PLEKHM2: variants seen among roughly 807,000 people sequenced by gnomAD.
The protein encoded by PLEKHM2 is pleckstrin homology and RUN domain containing M2.
A neutral mutation model predicts 116.3 loss-of-function variants in PLEKHM2; 77 were observed. The ratio of observed to expected loss-of-function variants is 0.66; its 90% CI spans 0.55 to 0.80. The LOEUF is 0.80. Ranked by LOEUF, PLEKHM2 falls within the 30% of genes least tolerant of loss-of-function variation. The pLI is 0.00. For missense variants in PLEKHM2, 1,183 were observed against 1,354.9 expected (o/e 0.87, Z 1.99); for synonymous variants, 562 against 571.0 (o/e 0.98, Z 0.22).
chr1:15,731,043 C>T lies in PLEKHM2; in HGVS notation c.2400-149C>T, dbSNP rs562181364. 18 of 671,394 alleles carry T rather than the reference C, an allele frequency of 2.7e-5. No homozygotes were observed. In the South Asian group the frequency reaches 2.7e-4, roughly 10 times the overall value. 41.6% of individuals were successfully genotyped at this position (671,394 alleles called of 1,614,324 possible). A position where few individuals can be genotyped will look rare whatever the true frequency, so the allele number is the denominator to read the frequency against. On this transcript the variant is annotated intron_variant, in intron 15 of 19. Transcript: ENST00000375799. ...GCTGGGCCCCCAGGCCCTTCTTCAC[C>T]CTGCCTTCCGTAGATGACAGCCCCT...
At chr1:15,724,565 G>A (rs2068036794) in intron 7 of PLEKHM2, among the ~76,000 whole-genome samples, 1 of 152,112 alleles carries the variant, frequency 6.6e-6, no homozygotes, top group South Asian at 2.1e-4. Context: ...AGTGTGTAGG[G>A]TCAGGGGTGC....
At chr1:15,730,309 A>C (rs955094280) in intron 14 of PLEKHM2, among the ~76,000 whole-genome samples, 31 of 152,264 alleles carry the variant, frequency 2.0e-4, no homozygotes, top group Admixed American at 1.6e-3. Context: ...AGGCGTGGTG[A>C]TGGGCGCCTG....
rs578252549 is a variant in PLEKHM2, at chr1:15,700,895, T to C, written c.61-15342T>C. On this transcript the variant is annotated intron_variant, in intron 1 of 19. Transcript: ENST00000375799. ...TTGGGAGGCCGAGGCAGGTAGGTCA[T>C]GAGGTCAGGAGTTCAAGACCATCCT... Among the ~76,000 whole-genome samples the C allele has an allele frequency of 4.1e-5, 6 of 146,380 alleles. No individual in the cohort carries two copies. In the South Asian group the frequency reaches 1.1e-3, roughly 27 times the overall value.
chr1:15,733,747 T>C, intron 19 of PLEKHM2, 50 bp from the exon 20 acceptor site: 2 of 1,591,936 alleles, frequency 1.3e-6, no homozygotes, highest in Non-Finnish European at 1.7e-6. Flanking sequence ...CCCTGAAGAC[T>C]CCTGTGGCCC....
At chr1:15,697,907 A>G (rs1207618455) in intron 1 of PLEKHM2, among the ~76,000 whole-genome samples, 2 of 152,046 alleles carry the variant, frequency 1.3e-5, no homozygotes, top group Non-Finnish European at 2.9e-5. Flanking sequence ...GAGTCTACCA[A>G]CTCTCCAGCA....
At position 15,727,999 on chromosome 1, in the gene PLEKHM2, C is replaced by A; in HGVS notation, c.1761-80C>A. On this transcript the variant is annotated intron_variant, in intron 9 of 19. Transcript: ENST00000375799. The surrounding 1 kb of genome is among the most constrained non-coding windows in gnomAD (Gnocchi z 7.5). ...CTCCTAGTGGGAGGCGGAGGCACTA[C>A]CCCCTGGCTCTGGGGTGGGGTGTGG... 2.3e-6 allele frequency: 3 copies of A among 1,292,710 alleles called. No homozygotes were observed. The South Asian group carries it at 3.8e-5, about 16-fold the overall frequency. The allele number at this position is 1,292,710 out of a possible 1,614,324, so 80.1% of individuals were successfully genotyped here. A position where few individuals can be genotyped will look rare whatever the true frequency, so the allele number is the denominator to read the frequency against.
At chr1:15,686,170 G>A (rs1290646432) in intron 1 of PLEKHM2, among the ~76,000 whole-genome samples, 1 of 152,208 alleles carries the variant, frequency 6.6e-6, no homozygotes, top group Non-Finnish European at 1.5e-5. Flanking sequence ...TATGAGTTAG[G>A]TGTGTTTGTT....
At position 15,727,029 on chromosome 1, in the gene PLEKHM2, G is replaced by T; in HGVS notation, c.957G>T (p.Lys319Asn). The T allele has an allele frequency of 6.8e-7, 1 of 1,476,608 alleles. No individual in the cohort carries two copies. Among genetic ancestry groups the T allele is most frequent in the Non-Finnish European group, 9.0e-7 (1 of 1,113,402 alleles). 91.5% of individuals were successfully genotyped at this position (1,476,608 alleles called of 1,614,324 possible). Residue 319 changes from lysine (K) to asparagine (N), a missense_variant, in exon 9 of 20, where the codon AAG becomes AAT. Physicochemically the swap from Lys to Asn is moderately conservative, Grantham distance 94. Around this residue, in one of 3 missense-constraint regions of PLEKHM2, gnomAD observed 372 missense variants for 357.2 expected, o/e 1.04. Coordinates refer to ENST00000375799, the MANE Select transcript of PLEKHM2 (RefSeq NM_015164.4). This position sits in a 1 kb window ranked among gnomAD's most constrained non-coding sequence, Gnocchi z 7.5. Reference protein sequence around the residue: ...ELEVIRVTKKKKIGKKKKSRS... With the variant: ...ELEVIRVTKKNKIGKKKKSRS... ...ACTGTCCCAGGGTCACCAAGAAGAA[G>T]AAAATTGGCAAGAAGAAAAAGAGCA...
At position 15,728,654 on chromosome 1, in the gene PLEKHM2, G is replaced by A; in HGVS notation, c.1922-15G>A. 6.2e-7 allele frequency: 1 copy of A among 1,604,446 alleles called. No homozygotes were observed. The highest frequency in any genetic ancestry group is 8.5e-7 in the Non-Finnish European group (1 of 1,175,156). ...GGCCTGTGGGGATAATAGGCCTTGG[G>A]GTTTCCTCTCTCAGGGGCCACAGAG... On this transcript the variant is annotated splice_polypyrimidine_tract_variant and intron_variant, in intron 11 of 19. Coordinates refer to ENST00000375799, the MANE Select transcript of PLEKHM2 (RefSeq NM_015164.4). The surrounding 1 kb of genome is among the most constrained non-coding windows in gnomAD (Gnocchi z 5.9).
At chr1:15,683,703 G>T (rs141271606), upstream of PLEKHM2, among the ~76,000 whole-genome samples, 4,605 of 150,626 alleles carry the variant, frequency 0.031, 107 homozygotes, top group Admixed American at 0.067. Context: ...GGTCTGTGGG[G>T]GTCCCCAGCA....
At chr1:15,716,535 TGGAG>T in intron 2 of PLEKHM2, among the ~76,000 whole-genome samples, 168 bp from the exon 3 acceptor site, 1 of 152,274 alleles carries the variant, frequency 6.6e-6, no homozygotes, top group South Asian at 2.1e-4. Flanking sequence ...ACATAAATGA[TGGAG>T]GGAGGATTTG....
At position 15,732,505 on chromosome 1, in the gene PLEKHM2, G is replaced by C. The variant is rs777310481; in HGVS notation, c.2781G>C (p.Glu927Asp). 5 of 1,609,466 alleles carry C rather than the reference G, an allele frequency of 3.1e-6. No individual in the cohort carries two copies. The highest frequency in any genetic ancestry group is 4.2e-6 in the Non-Finnish European group (5 of 1,178,188). ...KLGDISAVSTEPGKEYCVLEF... is the reference protein window; with the variant it reads ...KLGDISAVSTDPGKEYCVLEF... Reference sequence around the variant, plus strand: ...GCGACATCAGCGCCGTCTCCACCGAGCCGGGCAAGGAGTACTGCGTCTTGG... The same window carrying C: ...GCGACATCAGCGCCGTCTCCACCGACCCGGGCAAGGAGTACTGCGTCTTGG... Residue 927 changes from glutamate to aspartate, a missense_variant, in exon 18 of 20, where the codon GAG (glutamate) becomes GAC (aspartate). Glu to Asp is a conservative substitution (Grantham distance 45). Around this residue, in one of 3 missense-constraint regions of PLEKHM2, gnomAD observed 594 missense variants for 720.1 expected, o/e 0.82. Transcript: ENST00000375799.
intron 1 of PLEKHM2, among the ~76,000 whole-genome samples, chr1:15,713,720 C>G (rs1050454918): frequency 2.7e-4 from 41 of 151,862 alleles, no homozygotes; most frequent in African/African-American, 7.7e-4. Flanking sequence ...ACTGCAAGCT[C>G]CGCCTCCCGG....
At chr1:15,722,050 C>T (rs536032435) in intron 7 of PLEKHM2, among the ~76,000 whole-genome samples, 4 of 152,352 alleles carry the variant, frequency 2.6e-5, no homozygotes, top group South Asian at 2.1e-4. Context: ...CAGGTTGCCA[C>T]GATTACTCAA....
intron 8 of PLEKHM2, among the ~76,000 whole-genome samples, chr1:15,726,474 C>A (rs2068064889): frequency 6.6e-6 from 1 of 152,218 alleles, no homozygotes; most frequent in South Asian, 2.1e-4. Context: ...TGGTTCCAGT[C>A]CACAGCAGCA....
chr1:15,699,360 G>A (rs1641065423), intron 1 of PLEKHM2, among the ~76,000 whole-genome samples: 1 of 151,842 alleles, frequency 6.6e-6, no homozygotes, highest in Admixed American at 6.6e-5. Context: ...ACCTCACGAT[G>A]GGCCCCAGTG....
At chr1:15,699,657 G>A (rs1415541805) in intron 1 of PLEKHM2, among the ~76,000 whole-genome samples, 2 of 152,086 alleles carry the variant, frequency 1.3e-5, no homozygotes, top group African/African-American at 4.8e-5. Flanking sequence ...AAACATATGT[G>A]TGCATGTGTC....
chr1:15,684,668 C>T (rs760260944), intron 1 of PLEKHM2, 50 bp downstream of exon 1: 40 of 842,578 alleles, frequency 4.7e-5, no homozygotes, highest in Non-Finnish European at 5.6e-5. Context: ...CCGCGCCCCC[C>T]ACGCCCTCCG....
chr1:15,716,221 T>G lies in PLEKHM2; in HGVS notation c.61-16T>G, dbSNP rs909373092. On this transcript the variant is annotated splice_polypyrimidine_tract_variant and intron_variant, in intron 1 of 19. Coordinates refer to ENST00000375799, the MANE Select transcript of PLEKHM2 (RefSeq NM_015164.4). ...TTAATCCATTTCTGATTTGGAGGTG[T>G]TTTTTTTTCTTTCAGTTGCAGAGCT... 7 of 1,384,772 alleles carry G rather than the reference T, an allele frequency of 5.1e-6. No homozygotes were observed. Among genetic ancestry groups the G allele is most frequent in the Admixed American group, 4.1e-5 (2 of 49,062 alleles). 85.8% of individuals were successfully genotyped at this position (1,384,772 alleles called of 1,614,324 possible). A position where few individuals can be genotyped will look rare whatever the true frequency, so the allele number is the denominator to read the frequency against.
Sources: gnomAD v4.1 joint callset for allele counts (sites outside exome capture counted in the v4.1 genomes callset) on GRCh38, gnomAD v4.1.1 for gene constraint, gnomAD v4.1.1 regional missense constraint, Gnocchi (gnomAD v3.1) non-coding constraint, MANE v1.5 for transcripts, NCBI Gene and HGNC (gene_info 2026-07-23, HGNC 2026-07-21) for gene names.